Variants in GPC6 observed in about 807,000 individuals in gnomAD.
GPC6 encodes glypican-6.
GPC6 carries 14 observed loss-of-function variants against 55.2 expected under a neutral mutation model. The observed-to-expected ratio is 0.25, with a 90% CI of 0.17 to 0.40. The LOEUF (loss-of-function observed/expected upper bound fraction) is 0.40, where lower values mean the gene tolerates loss of function less well. GPC6 is among the 10% of genes least tolerant of loss of function. GPC6 has a pLI of 1.00. For synonymous variants in GPC6, 278 were observed against 259.6 expected (o/e 1.07, Z -0.68); for missense variants, 641 against 708.5 (o/e 0.90, Z 1.08).
chr13:93,560,766 CAAA>C (rs34043494), intron 2 of GPC6, among the ~76,000 whole-genome samples: 63 of 125,392 alleles, frequency 5.0e-4, no homozygotes, highest in Admixed American at 5.5e-4. Context: ...ACTCCGCCTC[CAAA>C]AAAAAAAAAA....
intron 1 of GPC6, among the ~76,000 whole-genome samples, chr13:93,489,779 G>A (rs1566383714): frequency 6.6e-6 from 1 of 150,938 alleles, no homozygotes; most frequent in Non-Finnish European, 1.5e-5. Flanking sequence ...GTCTGTTATT[G>A]GTGTATAAGA....
At chr13:93,862,217 T>C (rs1041500488) in intron 3 of GPC6, among the ~76,000 whole-genome samples, 2 of 151,770 alleles carry the variant, frequency 1.3e-5, no homozygotes, top group African/African-American at 4.8e-5. Context: ...TTTCTTAAGT[T>C]CTCTCCCACA....
chr13:93,559,178 A>C (rs1875628861), intron 2 of GPC6, among the ~76,000 whole-genome samples: 1 of 152,198 alleles, frequency 6.6e-6, no homozygotes, highest in Non-Finnish European at 1.5e-5. Flanking sequence ...CATTAAGTTG[A>C]TATCTCTCAG....
At chr13:94,187,770 T>C (rs1405184781) in intron 4 of GPC6, 1 of 152,210 alleles carries the variant, frequency 6.6e-6, no homozygotes, top group East Asian at 1.9e-4. Context: ...TATGGAAATA[T>C]ATAAACATAC....
At chr13:93,542,713 G>A (rs562696427) in intron 1 of GPC6, among the ~76,000 whole-genome samples, 129 of 152,254 alleles carry the variant, frequency 8.5e-4, no homozygotes, top group African/African-American at 3.0e-3. Flanking sequence ...GCAGTGATTT[G>A]TAGTTCTCCT....
At chr13:93,235,010 TCAGTGAAAAAAAAA>T (rs1205833624) in intron 1 of GPC6, among the ~76,000 whole-genome samples, 24 of 152,278 alleles carry the variant, frequency 1.6e-4, no homozygotes, top group African/African-American at 5.8e-4. Flanking sequence ...TTCTGCTCTG[TCAGTGAAAAAAAAA>T]CTTCAAATTT....
intron 3 of GPC6, among the ~76,000 whole-genome samples, chr13:93,873,898 T>C (rs546054879): frequency 6.6e-6 from 1 of 152,002 alleles, no homozygotes; most frequent in African/African-American, 2.4e-5. Context: ...CACGTCTGCC[T>C]TCAGAATCTA....
At chr13:93,231,659 G>T (rs1876070131) in intron 1 of GPC6, among the ~76,000 whole-genome samples, 1 of 151,552 alleles carries the variant, frequency 6.6e-6, no homozygotes, top group South Asian at 2.1e-4. Context: ...ATAAAACACA[G>T]AAACTAAAGT....
At position 93,988,611 on chromosome 13, in the gene GPC6, A is replaced by G. The variant is rs562856456; in HGVS notation, c.712-39118A>G. On this transcript the variant is annotated intron_variant, in intron 3 of 8. Transcript: ENST00000377047. ...GATGGGTTCTCTTTTCTGTGTTCTCATATGGCGGAAGGGGGAGCAAGCTAT... is the reference window on the plus strand; with the variant it reads ...GATGGGTTCTCTTTTCTGTGTTCTCGTATGGCGGAAGGGGGAGCAAGCTAT... Among the ~76,000 whole-genome samples, 13 of 152,180 alleles carry G rather than the reference A, an allele frequency of 8.5e-5. No homozygotes were observed. The South Asian group carries it at 2.5e-3, about 29-fold the overall frequency.
At chr13:94,316,716 CA>C (rs56304226) in intron 6 of GPC6, among the ~76,000 whole-genome samples, 11,896 of 104,986 alleles carry the variant, frequency 0.11, 655 homozygotes, top group African/African-American at 0.26. Context: ...GACTCCGTCT[CA>C]AAAAAAAAAA....
rs374830889 is a variant in GPC6, at chr13:93,227,636, A to G, written c.160+20A>G. 2.5e-6 allele frequency: 4 copies of G among 1,582,276 alleles called. No homozygotes were observed. The Admixed American group carries it at 7.0e-5, about 28-fold the overall frequency. ...TCGCAGGTAAGCGCGGGCGCGCTGC[A>G]GGGGCAGGCTGCAGCCCTCGGCTGC... On this transcript the variant is annotated intron_variant, in intron 1 of 8. Transcript: ENST00000377047. The surrounding 1 kb of genome is among the most constrained non-coding windows in gnomAD (Gnocchi z 4.3).
rs564624520 is a variant in GPC6 at position 93,362,889 on chromosome 13, A to G, written c.160+135273A>G. ...AATAAATGCATTGCTTAGCAAGTAC[A>G]AATGTGAGTCTCCCAGATTCCATCG... On this transcript the variant is annotated intron_variant, in intron 1 of 8. Transcript: ENST00000377047. 7.6e-4 allele frequency among the ~76,000 whole-genome samples: 115 copies of G among 152,266 alleles called. 1 individual carries two copies. The highest frequency in any genetic ancestry group is 2.6e-3 in the African/African-American group (110 of 41,570).
intron 6 of GPC6, among the ~76,000 whole-genome samples, chr13:94,350,191 C>G (rs1051997911): frequency 3.9e-5 from 6 of 151,998 alleles, no homozygotes; most frequent in Admixed American, 3.3e-4. Context: ...CCATCGTGCC[C>G]CTGTCAGTGG....
At chr13:93,743,672 TC>T (rs1221580402) in intron 2 of GPC6, among the ~76,000 whole-genome samples, 2 of 152,146 alleles carry the variant, frequency 1.3e-5, no homozygotes, top group Non-Finnish European at 2.9e-5. Flanking sequence ...TATTTATTGT[TC>T]CTTTCATCTT....
chr13:93,476,556 G>A (rs1351539688), intron 1 of GPC6, among the ~76,000 whole-genome samples: 2 of 152,018 alleles, frequency 1.3e-5, no homozygotes, highest in Non-Finnish European at 2.9e-5. Flanking sequence ...TTGCTACATC[G>A]TACTTGAATT....
chr13:93,229,981 C>T (rs537187778), intron 1 of GPC6, among the ~76,000 whole-genome samples: 2 of 152,258 alleles, frequency 1.3e-5, no homozygotes, highest in South Asian at 4.1e-4. Flanking sequence ...TACAGGAACA[C>T]ACTCTATCTC....
intron 6 of GPC6, among the ~76,000 whole-genome samples, chr13:94,306,815 T>C (rs995931893): frequency 1.3e-5 from 2 of 152,212 alleles, no homozygotes; most frequent in African/African-American, 4.8e-5. Context: ...AAATACTGCC[T>C]GATTATTTTT....
chr13:93,551,004 T>C (rs1041040946), intron 2 of GPC6, among the ~76,000 whole-genome samples: 3 of 152,120 alleles, frequency 2.0e-5, no homozygotes, highest in African/African-American at 7.2e-5. Flanking sequence ...TAGAAGTCCA[T>C]TGCAAAGAGG....
intron 2 of GPC6, among the ~76,000 whole-genome samples, chr13:93,660,662 T>G (rs116472354): frequency 0.012 from 1,802 of 152,326 alleles, 29 homozygotes; most frequent in African/African-American, 0.039. Context: ...TGGGAAACTC[T>G]TCTGTTCTTC....
Sources: allele counts gnomAD v4.1 joint callset (sites outside exome capture counted in the v4.1 genomes callset), GRCh38; gene constraint gnomAD v4.1.1; non-coding constraint Gnocchi (gnomAD v3.1); transcripts MANE v1.5; gene names NCBI Gene and HGNC (gene_info 2026-07-23, HGNC 2026-07-21).